Variants in BMP5 observed in about 807,000 individuals in gnomAD.
The protein encoded by BMP5 is bone morphogenetic protein 5.
Under a neutral mutation model 46.6 loss-of-function variants are expected in BMP5, and 23 were observed. The observed-to-expected ratio is 0.49, with a 90% CI of 0.35 to 0.70. The LOEUF is 0.70. BMP5 is among the 30% of genes least tolerant of loss of function. The pLI, the probability that BMP5 is intolerant of heterozygous loss-of-function variation, is 0.00. For missense variants in BMP5, 545 were observed against 565.6 expected (o/e 0.96, Z 0.37); for synonymous variants, 204 against 191.9 (o/e 1.06, Z -0.52).
At chr6:55,823,929 T>C (rs1776467483) in intron 1 of BMP5, among the ~76,000 whole-genome samples, 3 of 152,036 alleles carry the variant, frequency 2.0e-5, no homozygotes, top group Non-Finnish European at 4.4e-5. Flanking sequence ...TATTATATAC[T>C]ATATATGTTA....
chr6:55,810,577 A>T (rs189593588), intron 2 of BMP5, among the ~76,000 whole-genome samples: 1 of 152,216 alleles, frequency 6.6e-6, no homozygotes, highest in Non-Finnish European at 1.5e-5. Context: ...ACCATTTTTC[A>T]TGCAGTGAAT....
chr6:55,853,136 C>T (rs1214988023), intron 1 of BMP5, among the ~76,000 whole-genome samples: 2 of 104,186 alleles, frequency 1.9e-5, no homozygotes, highest in East Asian at 2.6e-4. Flanking sequence ...ATCTCAAATA[C>T]ATAAATAAAA....
chr6:55,839,082 T>C (rs1250848932), intron 1 of BMP5, among the ~76,000 whole-genome samples: 1 of 152,176 alleles, frequency 6.6e-6, no homozygotes, highest in Non-Finnish European at 1.5e-5. Flanking sequence ...AATGTTCATT[T>C]TCTTTTTAAT....
chr6:55,812,548 A>G (rs1156923949), intron 2 of BMP5, among the ~76,000 whole-genome samples: 1 of 152,212 alleles, frequency 6.6e-6, no homozygotes, highest in Non-Finnish European at 1.5e-5. Flanking sequence ...AGTCCTAGGC[A>G]GTATCTTAGG....
Position 55,800,049 on chromosome 6 carries a change from T to C in BMP5, c.684-5622A>G, listed in dbSNP as rs374352589. ...AAAAACAACAACAAACACACATGTA[T>C]ACACACACACACAACCTGTGGATTC... On this transcript the variant is annotated intron_variant, in intron 2 of 6. Coordinates refer to ENST00000370830, the MANE Select transcript of BMP5 (RefSeq NM_021073.4). Among the ~76,000 whole-genome samples the C allele has an allele frequency of 5.3e-4, 80 of 152,066 alleles. No homozygotes were observed. The South Asian group carries it at 0.016, about 30-fold the overall frequency.
intron 3 of BMP5, among the ~76,000 whole-genome samples, chr6:55,777,954 G>A (rs562079403): frequency 1.3e-5 from 2 of 151,992 alleles, no homozygotes; most frequent in Non-Finnish European, 2.9e-5. Context: ...CTTCTGAGCA[G>A]TTCCACATTG....
At chr6:55,793,609 T>C (rs1262859572) in intron 3 of BMP5, among the ~76,000 whole-genome samples, 1 of 152,186 alleles carries the variant, frequency 6.6e-6, no homozygotes, top group Non-Finnish European at 1.5e-5. Flanking sequence ...CAGTAAATAC[T>C]TGTGAGCATA....
chr6:55,866,005 A>G (rs1424582817), intron 1 of BMP5, among the ~76,000 whole-genome samples: 1 of 152,190 alleles, frequency 6.6e-6, no homozygotes, highest in Non-Finnish European at 1.5e-5. Context: ...ATACATCTAC[A>G]AAAATTTTGA....
At chr6:55,832,615 A>C (rs1326355470) in intron 1 of BMP5, among the ~76,000 whole-genome samples, 1 of 152,174 alleles carries the variant, frequency 6.6e-6, no homozygotes, top group Non-Finnish European at 1.5e-5. Flanking sequence ...ATTGAAGAAA[A>C]ATTAACTTAT....
intron 1 of BMP5, among the ~76,000 whole-genome samples, chr6:55,821,226 C>G (rs1776403948): frequency 6.6e-6 from 1 of 152,074 alleles, no homozygotes; most frequent in Non-Finnish European, 1.5e-5. Flanking sequence ...ACAAAGGAAC[C>G]CACAATGCTT....
At chr6:55,792,336 A>C (rs1286688890) in intron 3 of BMP5, among the ~76,000 whole-genome samples, 1 of 152,104 alleles carries the variant, frequency 6.6e-6, no homozygotes, top group Non-Finnish European at 1.5e-5. Context: ...GATCGAGACC[A>C]TCCTGGCTAA....
At chr6:55,860,692 G>T (rs970880014) in intron 1 of BMP5, among the ~76,000 whole-genome samples, 4 of 152,196 alleles carry the variant, frequency 2.6e-5, no homozygotes, top group African/African-American at 9.7e-5. Context: ...TTTCAAAGCA[G>T]AGATTAGTTT....
chr6:55,823,865 C>A (rs61256913), intron 1 of BMP5, among the ~76,000 whole-genome samples: 10,708 of 151,836 alleles, frequency 0.071, 423 homozygotes, highest in Middle Eastern at 0.14. Context: ...ATATTGATTA[C>A]ATTTCTTATC....
At chr6:55,843,777 T>C (rs2127546627) in intron 1 of BMP5, among the ~76,000 whole-genome samples, 1 of 152,208 alleles carries the variant, frequency 6.6e-6, no homozygotes, top group East Asian at 1.9e-4. Flanking sequence ...TTTTTAATAG[T>C]GCCTGAGCCA....
At chr6:55,834,487 C>T (rs1043224283) in intron 1 of BMP5, among the ~76,000 whole-genome samples, 3 of 152,124 alleles carry the variant, frequency 2.0e-5, no homozygotes, top group African/African-American at 2.4e-5. Flanking sequence ...TCTGAACTGA[C>T]TCAAAGGGAA....
chr6:55,771,175 A>G (rs140587325), intron 4 of BMP5, among the ~76,000 whole-genome samples: 420 of 151,856 alleles, frequency 2.8e-3, no homozygotes, highest in African/African-American at 9.9e-3. Flanking sequence ...GTATGCCTGT[A>G]CTCTATTCTT....
At position 55,759,172 on chromosome 6, in the gene BMP5, A is replaced by AAAAAAAAAAAC. The variant is rs1774697662; in HGVS notation, c.1105-58_1105-57insGTTTTTTTTTT. The AAAAAAAAAAAC allele has an allele frequency of 3.7e-5, 27 of 738,858 alleles. 2 individuals carry two copies. Among genetic ancestry groups the AAAAAAAAAAAC allele is most frequent in the South Asian group, 2.1e-4 (10 of 48,068 alleles). 45.8% of individuals were successfully genotyped at this position (738,858 alleles called of 1,614,324 possible). A position where few individuals can be genotyped will look rare whatever the true frequency, so the allele number is the denominator to read the frequency against. ...AAAAAAAAAAAAAAAAAAAAAAAAA[A>AAAAAAAAAAAC]AAAAAAAAAAACAACAAGAAAAAAT... On this transcript the variant is annotated intron_variant, in intron 5 of 6. Coordinates refer to ENST00000370830, the MANE Select transcript of BMP5 (RefSeq NM_021073.4).
At chr6:55,861,704 A>T (rs532873428) in intron 1 of BMP5, among the ~76,000 whole-genome samples, 146 of 152,370 alleles carry the variant, frequency 9.6e-4, no homozygotes, top group Middle Eastern at 3.4e-3. Context: ...ACTCATTATT[A>T]CAGACTTTCT....
rs376050074 is a variant in BMP5, at chr6:55,774,254, A to G, written c.833-11T>C. On this transcript the variant is annotated splice_polypyrimidine_tract_variant and intron_variant, in intron 3 of 6. Transcript: ENST00000370830. ...CGTTGATACTGCGTCCTAGAACGTA[A>G]TACAAAAGCACTTGGTTTATGAAAA... 5.6e-6 allele frequency: 9 copies of G among 1,610,634 alleles called. No homozygotes were observed. Among genetic ancestry groups the G allele is most frequent in the East Asian group, 4.5e-5 (2 of 44,848 alleles).
Sources: allele counts gnomAD v4.1 joint callset (sites outside exome capture counted in the v4.1 genomes callset), GRCh38; gene constraint gnomAD v4.1.1; transcripts MANE v1.5; gene names NCBI Gene and HGNC (gene_info 2026-07-23, HGNC 2026-07-21).